Variants in CDON observed in about 807,000 individuals in gnomAD.
CDON encodes cell adhesion molecule-related/down-regulated by oncogenes.
CDON carries 73 observed loss-of-function variants against 120.9 expected under a neutral mutation model. The observed-to-expected ratio is 0.60, with a 90% CI of 0.50 to 0.73. The LOEUF (loss-of-function observed/expected upper bound fraction) is 0.73, where lower values mean the gene tolerates loss of function less well. Ranked by LOEUF, CDON falls within the 30% of genes least tolerant of loss-of-function variation. The probability of loss-of-function intolerance (pLI) is 0.00; values close to 1 mark genes in which losing one functional copy is unlikely to be tolerated. For missense variants in CDON, 1,470 were observed against 1,587.3 expected, an observed-to-expected ratio of 0.93 and a Z score of 1.26; for synonymous variants, 566 against 573.5, an observed-to-expected ratio of 0.99 and a Z score of 0.19.
intron 16 of CDON, 22 bp from the exon 17 acceptor site, chr11:125,981,351 GACACAC>G (rs745512202): frequency 6.2e-7 from 1 of 1,602,926 alleles, no homozygotes; most frequent in African/African-American, 1.3e-5. Flanking sequence ...GAACAAAAAA[GACACAC>G]ACGCACACAC....
At chr11:125,999,622 A>G (rs1221861715) in intron 11 of CDON, among the ~76,000 whole-genome samples, 4 of 152,168 alleles carry the variant, frequency 2.6e-5, no homozygotes, top group Non-Finnish European at 4.4e-5. Context: ...CTTACTACTT[A>G]TCTTGGTAAA....
chr11:126,040,459 C>A (rs1288995021), intron 1 of CDON, among the ~76,000 whole-genome samples: 1 of 152,100 alleles, frequency 6.6e-6, no homozygotes, highest in Non-Finnish European at 1.5e-5. Flanking sequence ...ACTTAACAAC[C>A]ACAATGACTT....
At chr11:125,994,535 G>T in intron 13 of CDON, 146 bp from the exon 14 acceptor site, 1 of 663,032 alleles carries the variant, frequency 1.5e-6, no homozygotes, top group Non-Finnish European at 2.7e-6. Flanking sequence ...TACTTCAAAG[G>T]TATTAAAAGC....
chr11:125,967,700 G>A (rs889604694), intron 18 of CDON, among the ~76,000 whole-genome samples: 1 of 152,114 alleles, frequency 6.6e-6, no homozygotes, highest in Non-Finnish European at 1.5e-5. Context: ...GGCTGGGTAC[G>A]ATCATGGCTC....
At chr11:125,989,416 G>A (rs1165451123) in intron 15 of CDON, among the ~76,000 whole-genome samples, 1 of 152,100 alleles carries the variant, frequency 6.6e-6, no homozygotes, top group East Asian at 1.9e-4. Flanking sequence ...CGCACCTGCA[G>A]CCCCAGCTAC....
intron 16 of CDON, among the ~76,000 whole-genome samples, chr11:125,981,967 TTTC>T (rs1447046039): frequency 1.1e-3 from 141 of 122,626 alleles, no homozygotes; most frequent in East Asian, 2.4e-3. Context: ...GTGATTCTAT[TTTC>T]TTTTTTTTTT....
In CDON at chr11:126,032,259, A is replaced by G. The variant is rs533176771; in HGVS notation, c.-61-8722T>C. Among the ~76,000 whole-genome samples, 9 of 147,358 alleles carry G rather than the reference A, an allele frequency of 6.1e-5. No homozygotes were observed. The South Asian group carries it at 6.2e-4, about 10-fold the overall frequency. Reference sequence around the variant, plus strand: ...GAGGTGAAGACTTCTCAGAGGAAACAACTGACTAGGTGAAATCAGAGGGAT... The same window carrying G: ...GAGGTGAAGACTTCTCAGAGGAAACGACTGACTAGGTGAAATCAGAGGGAT... On this transcript the variant is annotated intron_variant, in intron 1 of 19. Transcript: ENST00000531738.
intron 17 of CDON, 113 bp from the exon 18 acceptor site, chr11:125,978,496 G>C: frequency 1.4e-6 from 1 of 729,334 alleles, no homozygotes; most frequent in South Asian, 1.5e-5. Flanking sequence ...ACCATAAATG[G>C]GCACACAGTA....
intron 1 of CDON, among the ~76,000 whole-genome samples, chr11:126,049,502 T>G (rs1440899935): frequency 6.6e-6 from 1 of 152,230 alleles, no homozygotes. Context: ...ACATCTATTT[T>G]TCTTTCCTTC....
rs988692637 is a variant in CDON, at chr11:125,961,070, T to A, written c.3667A>T (p.Ile1223Phe). ...SCAHSETEIN[I>F]VSWNALILPP... ...AAAATAAGAGCATTCCAACTTACAA[T>A]GTTGATCTCTGTTTCTGAATGGGCA... The change falls in exon 20 of 20, where the codon ATT becomes TTT. Residue 1223 changes from isoleucine to phenylalanine, a missense_variant. Coordinates refer to ENST00000531738, the MANE Select transcript of CDON (RefSeq NM_001378964.1). 1.9e-6 allele frequency: 3 copies of A among 1,613,868 alleles called. No individual in the cohort carries two copies. Among genetic ancestry groups the A allele is most frequent in the Non-Finnish European group, 1.7e-6 (2 of 1,179,896 alleles).
chr11:125,993,895 A>G (rs566948856), intron 14 of CDON, among the ~76,000 whole-genome samples: 28 of 152,374 alleles, frequency 1.8e-4, no homozygotes, highest in African/African-American at 6.3e-4. Flanking sequence ...CAAGTGAGCA[A>G]GATGCTTAAG....
At chr11:125,978,220 A>C in intron 18 of CDON, 84 bp downstream of exon 18, 1 of 803,796 alleles carries the variant, frequency 1.2e-6, no homozygotes, top group African/African-American at 1.7e-5. Context: ...GTAAAATTCC[A>C]AGAACTTTCT....
chr11:126,024,686 C>T (rs1387241857), intron 1 of CDON, among the ~76,000 whole-genome samples: 2 of 152,122 alleles, frequency 1.3e-5, no homozygotes, highest in Non-Finnish European at 2.9e-5. Context: ...GAGTGTGGAG[C>T]TGTAGGAAGA....
chr11:125,983,977 T>C lies in CDON; in HGVS notation c.2890A>G (p.Met964Val), dbSNP rs1946387193. 6.2e-7 allele frequency: 1 copy of C among 1,613,998 alleles called. No individual in the cohort carries two copies. Among genetic ancestry groups the C allele is most frequent in the African/African-American group, 1.3e-5 (1 of 74,910 alleles). Residue 964 changes from methionine to valine, a missense_variant, in exon 16 of 20, where the codon ATG becomes GTG. Met to Val is a conservative substitution (Grantham distance 21). Coordinates refer to ENST00000531738, the MANE Select transcript of CDON (RefSeq NM_001378964.1). ...ACACAGCCAACGATCAGATATAACA[T>C]GTCACTGCTTCTGGCAGGGCTGGTT... Reference protein sequence around the residue: ...PATSPARSSDMLYLIVGCVLG... With the variant: ...PATSPARSSDVLYLIVGCVLG...
At chr11:125,963,214 T>C (rs1208616117) in intron 18 of CDON, among the ~76,000 whole-genome samples, 2 of 152,182 alleles carry the variant, frequency 1.3e-5, no homozygotes, top group Non-Finnish European at 2.9e-5. Context: ...TATTCTCCAA[T>C]ACTTTCAAAT....
chr11:126,011,180 CTGA>C (rs150231678), intron 7 of CDON, among the ~76,000 whole-genome samples: 3,222 of 152,242 alleles, frequency 0.021, 124 homozygotes, highest in African/African-American at 0.073. Context: ...AAAGCTGATA[CTGA>C]TGATACCTGT....
chr11:125,966,148 A>C (rs1264789232), intron 18 of CDON, among the ~76,000 whole-genome samples: 2 of 152,118 alleles, frequency 1.3e-5, no homozygotes, highest in East Asian at 3.8e-4. Flanking sequence ...AAAAAAAAAA[A>C]AAAAATTCGA....
chr11:125,995,670 A>G (rs1033588964), intron 12 of CDON, among the ~76,000 whole-genome samples: 2 of 152,236 alleles, frequency 1.3e-5, no homozygotes, highest in African/African-American at 4.8e-5. Flanking sequence ...AACCTAAAGA[A>G]TAAATTAAAA....
intron 18 of CDON, 33 bp from the exon 19 acceptor site, chr11:125,962,031 T>C (rs1455951697): frequency 1.3e-6 from 2 of 1,518,020 alleles, no homozygotes; most frequent in East Asian, 2.2e-5. Flanking sequence ...AACAGAATTG[T>C]GTCTAGAGGA....
Sources: gnomAD v4.1 joint callset for allele counts (sites outside exome capture counted in the v4.1 genomes callset) on GRCh38, gnomAD v4.1.1 for gene constraint, MANE v1.5 for transcripts, NCBI Gene and HGNC (gene_info 2026-07-23, HGNC 2026-07-21) for gene names.